The following DISP2 variants were observed in gnomAD, a reference collection of about 807,000 sequenced individuals.
DISP2 encodes the protein protein dispatched homolog 2.
Under a neutral mutation model 95.5 loss-of-function variants are expected in DISP2, and 59 were observed. The ratio of observed to expected loss-of-function variants is 0.62; its 90% CI spans 0.50 to 0.77. The LOEUF is 0.77. Among genes scored for constraint, DISP2 ranks in the 30% least tolerant of loss-of-function variants. DISP2 has a pLI of 0.00. For missense variants in DISP2, 1,752 were observed against 1,854.6 expected (o/e 0.94, Z 1.02); for synonymous variants, 827 against 815.0 (o/e 1.01, Z -0.25).
rs756230125 is a variant in DISP2 at position 40,364,901 on chromosome 15, C to T, written c.667C>T (p.Leu223Phe). The change falls in exon 5 of 8, where the codon CTC (leucine) becomes TTC (phenylalanine). Residue 223 changes from leucine (L) to phenylalanine (F), a missense_variant. Coordinates refer to ENST00000267889, the MANE Select transcript of DISP2 (RefSeq NM_033510.3). ...AGTGGTCTGGAGAGCACTACAAGCC[C>T]TCACAGGCCCCAGGAAGCTGCTTTT... ...KLVVWRALQALTGPRKLLFLS... is the reference protein window; with the variant it reads ...KLVVWRALQAFTGPRKLLFLS... 1 of 1,614,202 alleles carries T rather than the reference C, an allele frequency of 6.2e-7. No individual in the cohort carries two copies. The highest frequency in any genetic ancestry group is 8.5e-7 in the Non-Finnish European group (1 of 1,180,036).
chr15:40,358,391 C>T lies in DISP2; in HGVS notation c.70C>T (p.Gln24Ter), dbSNP rs1415793713. ...TCCCGGCCCGGGTCCGGAAGGGGAG[C>T]AACGGCCCGAGGGGGAGCCCTTGGC... ...PAPGPGPEGE[Q>*]RPEGEPLAPD... Residue 24 changes from glutamine to a stop codon, truncating the protein, a stop_gained, in exon 1 of 8, where the codon CAA (glutamine) becomes TAA (stop). Coordinates refer to ENST00000267889, the MANE Select transcript of DISP2 (RefSeq NM_033510.3). LOFTEE classifies it high-confidence loss of function. 1 of 1,356,902 alleles carries T rather than the reference C, an allele frequency of 7.4e-7. No homozygotes were observed. Among genetic ancestry groups the T allele is most frequent in the Non-Finnish European group, 9.5e-7 (1 of 1,057,726 alleles). 84.1% of individuals were successfully genotyped at this position (1,356,902 alleles called of 1,614,324 possible).
rs941921560 is a variant in DISP2 at position 40,375,348 on chromosome 15, C to T, written c.*5030C>T. ...CAAACAAACAAGAGCTTTAATATTGCTAAAGAAAATCACACAGCTGAGCAG... is the reference window on the plus strand; with the variant it reads ...CAAACAAACAAGAGCTTTAATATTGTTAAAGAAAATCACACAGCTGAGCAG... On this transcript the variant is annotated 3_prime_UTR_variant, in exon 8 of 8. Transcript: ENST00000267889. The T allele has an allele frequency of 2.6e-5, 4 of 152,166 alleles. No individual in the cohort carries two copies. Among genetic ancestry groups the T allele is most frequent in the Non-Finnish European group, 5.9e-5 (4 of 68,034 alleles). 9.4% of individuals were successfully genotyped at this position (152,166 alleles called of 1,614,324 possible).
chr15:40,369,973 C>T lies in DISP2; in HGVS notation c.3861C>T (p.Ser1287=), dbSNP rs766079290. ...CTGATGGCTTCTGTTCCTCAGCCAG[C>T]ACCCTGGAGGGGCTCAGCGTCTCTG... ...DPPDGFCSSA[S]TLEGLSVSDE... is the part of the protein sequence containing the mutation. The change falls in exon 8 of 8, where the codon AGC becomes AGT. Residue 1287 remains serine, a synonymous_variant. Coordinates refer to ENST00000267889, the MANE Select transcript of DISP2 (RefSeq NM_033510.3). The T allele has an allele frequency of 3.1e-6, 5 of 1,612,384 alleles. No individual in the cohort carries two copies. The East Asian group carries it at 1.1e-4, about 36-fold the overall frequency.
rs768203521 is a variant in DISP2 at position 40,369,435 on chromosome 15, A to C, written c.3323A>C (p.Gln1108Pro). Residue 1108 changes from glutamine (Q) to proline (P), a missense_variant, in exon 8 of 8, where the codon CAA becomes CCA. Gln to Pro is a moderately conservative substitution (Grantham distance 76). Coordinates refer to ENST00000267889, the MANE Select transcript of DISP2 (RefSeq NM_033510.3). ...VSCGFASFFF[Q>P]SLCCFFGPEK... is the part of the protein sequence containing the mutation. ...TGTGGCTTTGCCAGCTTCTTCTTCC[A>C]ATCTCTCTGCTGTTTCTTCGGGCCA... is the stretch of plus-strand genomic sequence containing the variant. 1.2e-6 allele frequency: 2 copies of C among 1,613,232 alleles called. No homozygotes were observed. The highest frequency in any genetic ancestry group is 1.1e-5 in the South Asian group (1 of 91,090).
chr15:40,368,336 C>T lies in DISP2; in HGVS notation c.2224C>T (p.Pro742Ser). The T allele has an allele frequency of 6.2e-7, 1 of 1,603,844 alleles. No homozygotes were observed. The highest frequency in any genetic ancestry group is 8.5e-7 in the Non-Finnish European group (1 of 1,177,020). ...LPPPGGQVFR[P>S]SHPFERFDAE... ...GCCGCCCGGCGGCCAGGTCTTCCGG[C>T]CCAGCCACCCCTTCGAGCGCTTCGA... is the stretch of plus-strand genomic sequence containing the variant. Residue 742 changes from proline (P) to serine (S), a missense_variant, in exon 8 of 8, where the codon CCC becomes TCC. Around this residue, in one of 5 missense-constraint regions of DISP2, gnomAD observed 732 missense variants for 714.6 expected, o/e 1.02. Coordinates refer to ENST00000267889, the MANE Select transcript of DISP2 (RefSeq NM_033510.3).
intron 1 of DISP2, among the ~76,000 whole-genome samples, chr15:40,361,036 C>T (rs933920907): frequency 2.6e-5 from 4 of 152,240 alleles, no homozygotes; most frequent in Non-Finnish European, 5.9e-5. Context: ...CTCACTGGCC[C>T]ACAGGGATTG....
At chr15:40,365,311 T>A in intron 6 of DISP2, 37 bp downstream of exon 6, 1 of 1,608,764 alleles carries the variant, frequency 6.2e-7, no homozygotes, top group Non-Finnish European at 8.5e-7. Flanking sequence ...GTTTTAATAG[T>A]GGTCCCCACC....
At position 40,367,838 on chromosome 15, in the gene DISP2, G is replaced by A. The variant is rs139541441; in HGVS notation, c.1726G>A (p.Gly576Arg). The A allele has an allele frequency of 5.6e-6, 9 of 1,601,362 alleles. No homozygotes were observed. Among genetic ancestry groups the A allele is most frequent in the African/African-American group, 2.7e-5 (2 of 74,938 alleles). Residue 576 changes from glycine to arginine, a missense_variant, in exon 8 of 8, where the codon GGG becomes AGG. Around this residue, in one of 5 missense-constraint regions of DISP2, gnomAD observed 732 missense variants for 714.6 expected, o/e 1.02. Transcript: ENST00000267889. The part of the protein sequence containing the change: ...WRLSKSQLPS[G>R]GLAQRVGRTM... ...CCTTAGCAAGAGCCAGCTGCCGTCG[G>A]GGGGGCTGGCGCAGCGCGTGGGCCG...
chr15:40,368,151 G>C lies in DISP2; in HGVS notation c.2039G>C (p.Arg680Pro). The change falls in exon 8 of 8, where the codon CGG becomes CCG. Residue 680 changes from arginine (R) to proline (P), a missense_variant. Arg to Pro is a moderately radical substitution (Grantham distance 103, BLOSUM62 -2). Coordinates refer to ENST00000267889, the MANE Select transcript of DISP2 (RefSeq NM_033510.3). Reference sequence around the variant, plus strand: ...CTGCACCGGCGGCTCCGCGGCCTGCGGAGGGCGGCGGCTGGCACCTCGCGT... The same window carrying C: ...CTGCACCGGCGGCTCCGCGGCCTGCCGAGGGCGGCGGCTGGCACCTCGCGT... Reference protein sequence around the residue: ...LALHRRLRGLRRAAAGTSRLL... With the variant: ...LALHRRLRGLPRAAAGTSRLL... The C allele has an allele frequency of 6.6e-7, 1 of 1,522,064 alleles. No homozygotes were observed. Among genetic ancestry groups the C allele is most frequent in the African/African-American group, 1.4e-5 (1 of 69,844 alleles). The allele number at this position is 1,522,064 out of a possible 1,614,324, so 94.3% of individuals were successfully genotyped here. A position where few individuals can be genotyped will look rare whatever the true frequency, so the allele number is the denominator to read the frequency against.
rs75159543 is a variant in DISP2, at chr15:40,373,027, C to G, written c.*2709C>G. 1 of 152,152 alleles carries G rather than the reference C, an allele frequency of 6.6e-6. No individual in the cohort carries two copies. Among genetic ancestry groups the G allele is most frequent in the Non-Finnish European group, 1.5e-5 (1 of 68,034 alleles). 9.4% of individuals were successfully genotyped at this position (152,152 alleles called of 1,614,324 possible). ...AGTAATCTAAAACATTACCTTATACCTAGAATGGCCCAAACCAACAGCAGG... is the reference window on the plus strand; with the variant it reads ...AGTAATCTAAAACATTACCTTATACGTAGAATGGCCCAAACCAACAGCAGG... On this transcript the variant is annotated 3_prime_UTR_variant, in exon 8 of 8. Coordinates refer to ENST00000267889, the MANE Select transcript of DISP2 (RefSeq NM_033510.3).
chr15:40,366,930 G>A (rs1889505116), intron 7 of DISP2, 128 bp from the exon 8 acceptor site: 2 of 1,250,876 alleles, frequency 1.6e-6, no homozygotes, highest in Admixed American at 2.5e-5. Context: ...TATCTCACCA[G>A]GCTGTCAAGA....
intron 7 of DISP2, among the ~76,000 whole-genome samples, chr15:40,366,720 T>C (rs1257639890): frequency 6.6e-6 from 1 of 152,258 alleles, no homozygotes; most frequent in South Asian, 2.1e-4. Context: ...CTTCAGCTCA[T>C]TGGACCCTTG....
chr15:40,370,516 G>A lies in DISP2; in HGVS notation c.*198G>A. 1.9e-6 allele frequency: 2 copies of A among 1,071,662 alleles called. No homozygotes were observed. Among genetic ancestry groups the A allele is most frequent in the Admixed American group, 4.1e-5 (2 of 49,360 alleles). 66.4% of individuals were successfully genotyped at this position (1,071,662 alleles called of 1,614,324 possible). On this transcript the variant is annotated 3_prime_UTR_variant, in exon 8 of 8. Coordinates refer to ENST00000267889, the MANE Select transcript of DISP2 (RefSeq NM_033510.3). Reference sequence around the variant, plus strand: ...TACTCCTCACATCTGGAGGATTCCAGCAGGAGGGGTTTTGGAGGGGACCTG... The same window carrying A: ...TACTCCTCACATCTGGAGGATTCCAACAGGAGGGGTTTTGGAGGGGACCTG...
At chr15:40,364,277 A>G (rs201767950) in intron 3 of DISP2, 22 bp downstream of exon 3, 7 of 1,613,916 alleles carry the variant, frequency 4.3e-6, no homozygotes, top group Non-Finnish European at 5.9e-6. Flanking sequence ...CCTTCCCTGG[A>G]CCTCTAGGGG....
At position 40,370,080 on chromosome 15, in the gene DISP2, C is replaced by T; in HGVS notation, c.3968C>T (p.Thr1323Ile). The T allele has an allele frequency of 6.2e-7, 1 of 1,613,104 alleles. No homozygotes were observed. The highest frequency in any genetic ancestry group is 8.5e-7 in the Non-Finnish European group (1 of 1,179,514). Reference sequence around the variant, plus strand: ...GTGTCCCCAGATGACCTGGATGACACTGGGCAGCCAGTCCTTGAGCGAGGC... The same window carrying T: ...GTGTCCCCAGATGACCTGGATGACATTGGGCAGCCAGTCCTTGAGCGAGGC... ...VGVSPDDLDDTGQPVLERGQL... is the reference protein window; with the variant it reads ...VGVSPDDLDDIGQPVLERGQL... The change falls in exon 8 of 8, where the codon ACT (threonine) becomes ATT (isoleucine). Residue 1323 changes from threonine (T) to isoleucine (I), a missense_variant. By Grantham distance (89) the Thr-to-Ile change is moderately conservative (BLOSUM62 -1). Around this residue, in one of 5 missense-constraint regions of DISP2, gnomAD observed 347 missense variants for 344.2 expected, o/e 1.01. Coordinates refer to ENST00000267889, the MANE Select transcript of DISP2 (RefSeq NM_033510.3).
In DISP2 at chr15:40,367,372, T is replaced by C. The variant is rs1174262931; in HGVS notation, c.1260T>C (p.Phe420=). Reference sequence around the variant, plus strand: ...TGCACTTTCTGCTTGACAGGGACTTTCTGAGTCCCCAGACCACTGACTACC... The same window carrying C: ...TGCACTTTCTGCTTGACAGGGACTTCCTGAGTCCCCAGACCACTGACTACC... ...QLLHFLLDRD[F]LSPQTTDYQV... Residue 420 remains phenylalanine (F), a synonymous_variant, in exon 8 of 8, where the codon TTT becomes TTC. Transcript: ENST00000267889. 1 of 1,613,340 alleles carries C rather than the reference T, an allele frequency of 6.2e-7. No individual in the cohort carries two copies. The highest frequency in any genetic ancestry group is 1.1e-5 in the South Asian group (1 of 91,024).
intron 1 of DISP2, among the ~76,000 whole-genome samples, chr15:40,362,608 T>C (rs1889422701): frequency 6.6e-6 from 1 of 152,170 alleles, no homozygotes; most frequent in African/African-American, 2.4e-5. Flanking sequence ...TAATATAATA[T>C]TCAATTGCAA....
rs868775356 is a variant in DISP2, at chr15:40,375,906, G to T, written c.*5588G>T. 2 of 152,222 alleles carry T rather than the reference G, an allele frequency of 1.3e-5. No homozygotes were observed. The highest frequency in any genetic ancestry group is 4.8e-5 in the African/African-American group (2 of 41,414). 9.4% of individuals were successfully genotyped at this position (152,222 alleles called of 1,614,324 possible). On this transcript the variant is annotated 3_prime_UTR_variant, in exon 8 of 8. Coordinates refer to ENST00000267889, the MANE Select transcript of DISP2 (RefSeq NM_033510.3). ...GTCCTTCCCAACTTCCACTTTCCCA[G>T]TTGCCTCCCCTCCCTCATTCTGAAT...
rs1205098720 is a variant in DISP2 at position 40,371,607 on chromosome 15, T to C, written c.*1289T>C. ...GGGAAGTGTATGAGTCTGAAGCTGC[T>C]TCCCAGGTTAGGGTCCCCAGCTTTT... On this transcript the variant is annotated 3_prime_UTR_variant, in exon 8 of 8. Transcript: ENST00000267889. The C allele has an allele frequency of 6.6e-6, 1 of 152,168 alleles. No individual in the cohort carries two copies. Among genetic ancestry groups the C allele is most frequent in the African/African-American group, 2.4e-5 (1 of 41,440 alleles). The allele number at this position is 152,168 out of a possible 1,614,324, so 9.4% of individuals were successfully genotyped here. A position where few individuals can be genotyped will look rare whatever the true frequency, so the allele number is the denominator to read the frequency against.
Sources: allele counts gnomAD v4.1 joint callset (sites outside exome capture counted in the v4.1 genomes callset), GRCh38; gene constraint gnomAD v4.1.1; regional missense constraint gnomAD v4.1.1; transcripts MANE v1.5; gene names NCBI Gene and HGNC (gene_info 2026-07-23, HGNC 2026-07-21).